Variants in DNAH10 observed in about 807,000 individuals in gnomAD.
DNAH10 encodes the protein dynein axonemal heavy chain 10.
Under a neutral mutation model 506.6 loss-of-function variants are expected in DNAH10, and 348 were observed. That is an observed-to-expected ratio of 0.69 (90% confidence interval 0.63 to 0.75). The LOEUF is 0.75. Among genes scored for constraint, DNAH10 ranks in the 30% least tolerant of loss-of-function variants. DNAH10 has a pLI of 0.00. For synonymous variants in DNAH10, 2,059 were observed against 2,198.6 expected, an observed-to-expected ratio of 0.94 and a Z score of 1.78; for missense variants, 5,179 against 5,787.1, an observed-to-expected ratio of 0.89 and a Z score of 3.41.
chr12:123,855,633 CA>C (rs34517744), intron 36 of DNAH10, among the ~76,000 whole-genome samples: 2,440 of 102,054 alleles, frequency 0.024, 54 homozygotes, highest in African/African-American at 0.072. Flanking sequence ...GACCCTGTCT[CA>C]AAAAAAAAAA....
Position 123,850,247 on chromosome 12 carries a change from C to T in DNAH10, c.6103-641C>T, listed in dbSNP as rs974456792. Among the ~76,000 whole-genome samples the T allele has an allele frequency of 7.2e-5, 11 of 152,092 alleles. No homozygotes were observed. Among genetic ancestry groups the T allele is most frequent in the African/African-American group, 2.7e-4 (11 of 41,472 alleles). On this transcript the variant is annotated intron_variant, in intron 34 of 78. Coordinates refer to ENST00000673944, the MANE Select transcript of DNAH10 (RefSeq NM_001372106.1). This position sits in a 1 kb window ranked among gnomAD's most constrained non-coding sequence, Gnocchi z 5.5. ...AAAAAAATAAAATAGAAAACTTCAC[C>T]GAGAGACGACCGGACTCAACCTTCA...
intron 73 of DNAH10, among the ~76,000 whole-genome samples, chr12:123,931,110 G>C (rs1405054264): frequency 6.6e-6 from 1 of 152,084 alleles, no homozygotes; most frequent in African/African-American, 2.4e-5. Flanking sequence ...AGCTACTTGG[G>C]AGGCTGAGAT....
At chr12:123,814,155 T>C (rs980201160) in intron 21 of DNAH10, 3 of 336,644 alleles carry the variant, frequency 8.9e-6, no homozygotes, top group Admixed American at 4.7e-5. Flanking sequence ...CTCCCTTTTC[T>C]TTTCTTCTTT....
At chr12:123,868,795 C>T (rs1951911860) in intron 43 of DNAH10, among the ~76,000 whole-genome samples, 2 of 152,206 alleles carry the variant, frequency 1.3e-5, no homozygotes, top group Admixed American at 1.3e-4. Context: ...AATGAAATGG[C>T]CTCCGGTCTT....
At chr12:123,920,838 C>T (rs1954690099) in intron 65 of DNAH10, among the ~76,000 whole-genome samples, 1 of 152,170 alleles carries the variant, frequency 6.6e-6, no homozygotes, top group Admixed American at 6.5e-5. Context: ...GGCACAATCA[C>T]AGCTTACTGC....
chr12:123,883,463 T>C (rs1353831901), intron 51 of DNAH10, among the ~76,000 whole-genome samples: 1 of 152,018 alleles, frequency 6.6e-6, no homozygotes, highest in Non-Finnish European at 1.5e-5. Flanking sequence ...TGAAGAAGAG[T>C]CATGTCCCTC....
intron 27 of DNAH10, among the ~76,000 whole-genome samples, chr12:123,834,640 C>A (rs1960941583): frequency 6.6e-6 from 1 of 152,160 alleles, no homozygotes; most frequent in South Asian, 2.1e-4. Flanking sequence ...TTCATCAAAC[C>A]AAAAGACAAG....
At chr12:123,824,704 C>T (rs1179884273) in intron 24 of DNAH10, among the ~76,000 whole-genome samples, 1 of 152,276 alleles carries the variant, frequency 6.6e-6, no homozygotes, top group African/African-American at 2.4e-5. Context: ...CTGTCCCTGG[C>T]GTTCCGTGGC....
Position 123,811,502 on chromosome 12 carries a change from T to C in DNAH10, c.3145-1662T>C, listed in dbSNP as rs1277781832. Among the ~76,000 whole-genome samples, 3 of 148,680 alleles carry C rather than the reference T, an allele frequency of 2.0e-5. No homozygotes were observed. The East Asian group carries it at 5.8e-4, about 29-fold the overall frequency. ...CACACCCAGATAATTTTTGTATTTT[T>C]ATTTATTTTTTTTTTTGAGATAGAG... On this transcript the variant is annotated intron_variant, in intron 19 of 78. Transcript: ENST00000673944.
chr12:123,820,214 G>A (rs1421027304), intron 23 of DNAH10, among the ~76,000 whole-genome samples: 1 of 152,168 alleles, frequency 6.6e-6, no homozygotes, highest in Non-Finnish European at 1.5e-5. Context: ...TTGGAATTGG[G>A]GGAGAAGCAT....
intron 4 of DNAH10, 96 bp from the exon 5 acceptor site, chr12:123,774,053 C>A: frequency 1.3e-6 from 1 of 796,834 alleles, no homozygotes; most frequent in Admixed American, 2.6e-5. Flanking sequence ...CTTGTAGCAG[C>A]TTGGGAAGAA....
chr12:123,878,739 A>T (rs1952369210), intron 48 of DNAH10, among the ~76,000 whole-genome samples: 1 of 152,176 alleles, frequency 6.6e-6, no homozygotes, highest in Non-Finnish European at 1.5e-5. Flanking sequence ...TCTACAAAAA[A>T]ATTTAAAAAA....
At chr12:123,859,908 G>A (rs564929190) in intron 38 of DNAH10, among the ~76,000 whole-genome samples, 4 of 152,118 alleles carry the variant, frequency 2.6e-5, no homozygotes, top group African/African-American at 9.6e-5. Context: ...ATGTGCACCT[G>A]TAGTACAGCT....
intron 1 of DNAH10, among the ~76,000 whole-genome samples, chr12:123,764,278 A>G (rs572124521): frequency 2.0e-5 from 3 of 152,308 alleles, no homozygotes; most frequent in East Asian, 3.9e-4. Flanking sequence ...CCATCTGGAG[A>G]GAGGACCACG....
Position 123,919,022 on chromosome 12 carries a change from T to A in DNAH10, c.11506+73T>A, listed in dbSNP as rs1954613913. 8.3e-6 allele frequency: 12 copies of A among 1,447,970 alleles called. No individual in the cohort carries two copies. The South Asian group carries it at 1.9e-4, about 23-fold the overall frequency. The allele number at this position is 1,447,970 out of a possible 1,614,324, so 89.7% of individuals were successfully genotyped here. A position where few individuals can be genotyped will look rare whatever the true frequency, so the allele number is the denominator to read the frequency against. Reference sequence around the variant, plus strand: ...CAGACGTGGCTTTAAGGAAACGTGATCTGTGAAAATGGAAAGTTACCAAAT... The same window carrying A: ...CAGACGTGGCTTTAAGGAAACGTGAACTGTGAAAATGGAAAGTTACCAAAT... On this transcript the variant is annotated intron_variant, in intron 65 of 78. Coordinates refer to ENST00000673944, the MANE Select transcript of DNAH10 (RefSeq NM_001372106.1). This position sits in a 1 kb window ranked among gnomAD's most constrained non-coding sequence, Gnocchi z 4.9.
chr12:123,784,575 T>C (rs914088211), intron 8 of DNAH10, among the ~76,000 whole-genome samples: 2 of 152,196 alleles, frequency 1.3e-5, no homozygotes, highest in African/African-American at 2.4e-5. Context: ...TAAAAAATTG[T>C]GATAAAATAG....
chr12:123,879,440 C>T lies in DNAH10; in HGVS notation c.8466+83C>T, dbSNP rs116640528. On this transcript the variant is annotated intron_variant, in intron 49 of 78. Coordinates refer to ENST00000673944, the MANE Select transcript of DNAH10 (RefSeq NM_001372106.1). ...CAAAAGTGTTTTTTATATTAGGACG[C>T]GAATTGTGGAAAAATAGGCACGAAA... 2.3e-3 allele frequency: 3,433 copies of T among 1,500,446 alleles called. 71 individuals carry two copies. In the African/African-American group the frequency reaches 0.042, roughly 18 times the overall value. 92.9% of individuals were successfully genotyped at this position (1,500,446 alleles called of 1,614,324 possible).
At chr12:123,767,545 G>C (rs750523620) in intron 1 of DNAH10, 61 bp from the exon 2 acceptor site, 5 of 1,496,104 alleles carry the variant, frequency 3.3e-6, no homozygotes, top group Admixed American at 3.9e-5. Flanking sequence ...AAAGATATCA[G>C]GTGTTTCATG....
intron 2 of DNAH10, among the ~76,000 whole-genome samples, chr12:123,771,249 C>A (rs1216250453): frequency 6.6e-5 from 10 of 152,184 alleles, no homozygotes; most frequent in Non-Finnish European, 1.5e-4. Flanking sequence ...GGATTATAGG[C>A]ATGAGCCACT....
Sources: allele counts gnomAD v4.1 joint callset (sites outside exome capture counted in the v4.1 genomes callset), GRCh38; gene constraint gnomAD v4.1.1; non-coding constraint Gnocchi (gnomAD v3.1); transcripts MANE v1.5; gene names NCBI Gene and HGNC (gene_info 2026-07-23, HGNC 2026-07-21).